Variants in PCDH11Y observed in about 807,000 individuals in gnomAD.
The protein encoded by PCDH11Y is protocadherin 11 Y-linked.
For synonymous variants in PCDH11Y, 9 were observed against 83.6 expected (o/e 0.11, Z 4.87); for missense variants, 12 against 224.8 (o/e 0.05, Z 6.05).
chrY:5,183,348 G>T, intron 2 of PCDH11Y, among the ~76,000 whole-genome samples: 1 of 33,141 alleles, frequency 3.0e-5, no homozygotes, highest in Non-Finnish European at 7.4e-5. Context: ...TGAGAACCTG[G>T]ATATTTCAAT....
chrY:5,384,548 G>A, intron 2 of PCDH11Y, among the ~76,000 whole-genome samples: 1 of 29,517 alleles, frequency 3.4e-5, no homozygotes, highest in African/African-American at 1.3e-4. Context: ...AAATTTTCTA[G>A]AACAAATAAA....
chrY:5,326,635 G>A, intron 2 of PCDH11Y, among the ~76,000 whole-genome samples: 5 of 32,458 alleles, frequency 1.5e-4, no homozygotes, highest in Non-Finnish European at 3.0e-4. Context: ...ACAGTCGTGG[G>A]GGTCAGGTGT....
Position 5,426,671 on chromosome Y carries a change from C to T in PCDH11Y, c.3130-74386C>T, listed in dbSNP as rs367635181. Among the ~76,000 whole-genome samples the T allele has an allele frequency of 4.5e-3, 145 of 32,131 alleles. No homozygotes were observed. The East Asian group carries it at 0.064, about 14-fold the overall frequency. 86.2% of individuals were successfully genotyped at this position (32,131 alleles called of 37,273 possible). On this transcript the variant is annotated intron_variant, in intron 2 of 4. Transcript: ENST00000400457. Reference sequence around the variant, plus strand: ...TCAAATTTATCAAAATGTAATAATACGATTTTTATATTAACTTACATGTTA... The same window carrying T: ...TCAAATTTATCAAAATGTAATAATATGATTTTTATATTAACTTACATGTTA...
intron 2 of PCDH11Y, among the ~76,000 whole-genome samples, chrY:5,362,270 A>G (rs2053175225): frequency 3.2e-5 from 1 of 31,181 alleles, no homozygotes; most frequent in Non-Finnish European, 7.7e-5. Context: ...CCCCAATCCT[A>G]CCATTCTACC....
intron 1 of PCDH11Y, among the ~76,000 whole-genome samples, chrY:5,075,857 G>A: frequency 3.0e-5 from 1 of 33,645 alleles, no homozygotes; most frequent in Non-Finnish European, 7.4e-5. Context: ...TGTGAATAGT[G>A]CTGCAAAAAA....
intron 2 of PCDH11Y, among the ~76,000 whole-genome samples, chrY:5,463,874 A>G: frequency 3.0e-5 from 1 of 33,496 alleles, no homozygotes; most frequent in Admixed American, 2.8e-4. Context: ...AACTTACATG[A>G]GATATTCAAC....
At chrY:5,700,064 C>T (rs2124711783) in intron 4 of PCDH11Y, among the ~76,000 whole-genome samples, 1 of 32,120 alleles carries the variant, frequency 3.1e-5, no homozygotes, top group Admixed American at 2.9e-4. Flanking sequence ...GTTGAAGGTG[C>T]AGGATTCACT....
chrY:5,071,113 T>G, intron 1 of PCDH11Y, among the ~76,000 whole-genome samples: 1 of 32,518 alleles, frequency 3.1e-5, no homozygotes, highest in African/African-American at 1.2e-4. Context: ...GATATTGTGA[T>G]TTTATTAGTG....
At chrY:5,051,257 A>G (rs2052651254), upstream of PCDH11Y, among the ~76,000 whole-genome samples, 1 of 33,367 alleles carries the variant, frequency 3.0e-5, no homozygotes, top group Non-Finnish European at 7.4e-5. Context: ...CTGATTTAAA[A>G]TCACATAGAG....
At chrY:5,356,797 A>G (rs2053166690) in intron 2 of PCDH11Y, among the ~76,000 whole-genome samples, 1 of 26,617 alleles carries the variant, frequency 3.8e-5, no homozygotes, top group African/African-American at 1.5e-4. Context: ...AGGCAGGAGA[A>G]TCACTTAAAC....
At chrY:5,243,334 AT>A (rs2052990786) in intron 2 of PCDH11Y, among the ~76,000 whole-genome samples, 1 of 33,377 alleles carries the variant, frequency 3.0e-5, no homozygotes, top group Non-Finnish European at 7.3e-5. Context: ...CACATTGCCC[AT>A]TGAAAATGAA....
chrY:5,045,082 C>A, intron 3 of PCDH11Y, among the ~76,000 whole-genome samples: 1 of 33,193 alleles, frequency 3.0e-5, no homozygotes, highest in African/African-American at 1.2e-4. Flanking sequence ...CAGTCTGTGT[C>A]TTTTAATTGG....
chrY:5,298,924 G>T, intron 2 of PCDH11Y, among the ~76,000 whole-genome samples: 4 of 32,441 alleles, frequency 1.2e-4, no homozygotes, highest in Admixed American at 2.9e-4. Flanking sequence ...CAGATTAAAA[G>T]ATACGATTCA....
At chrY:5,617,737 A>T in intron 4 of PCDH11Y, among the ~76,000 whole-genome samples, 1 of 32,643 alleles carries the variant, frequency 3.1e-5, no homozygotes, top group Admixed American at 2.9e-4. Flanking sequence ...AGTTTCTTAA[A>T]ACTAAAAAAA....
intron 1 of PCDH11Y, among the ~76,000 whole-genome samples, chrY:5,013,141 G>C: frequency 3.1e-5 from 1 of 32,177 alleles, no homozygotes; most frequent in Non-Finnish European, 7.6e-5. Context: ...CCGGCCTCAT[G>C]TTTTAAGACA....
At chrY:5,499,354 A>G in intron 2 of PCDH11Y, among the ~76,000 whole-genome samples, 1 of 33,420 alleles carries the variant, frequency 3.0e-5, no homozygotes. Flanking sequence ...GTAGAAAATC[A>G]GCAGACTATT....
Position 5,714,080 on chromosome Y carries a change from G to T in PCDH11Y, c.3353-23192G>T, listed in dbSNP as rs34863629. ...GTGTACTTAATTTATGACAGGTATA[G>T]TTATTTGCATAAGTTCGATAAGAAT... is the stretch of plus-strand genomic sequence containing the variant. On this transcript the variant is annotated intron_variant, in intron 4 of 4. Coordinates refer to the PCDH11Y transcript ENST00000400457. 9.1e-5 allele frequency among the ~76,000 whole-genome samples: 3 copies of T among 32,943 alleles called. No homozygotes were observed. The East Asian group carries it at 2.4e-3, about 26-fold the overall frequency. 88.4% of individuals were successfully genotyped at this position (32,943 alleles called of 37,273 possible).
At chrY:5,017,217 G>T (rs2052562196) in intron 1 of PCDH11Y, among the ~76,000 whole-genome samples, 1 of 33,168 alleles carries the variant, frequency 3.0e-5, no homozygotes, top group South Asian at 6.6e-4. Context: ...TGAACAGACA[G>T]CATTTGATCT....
At chrY:5,012,910 T>C (rs1602836247) in intron 1 of PCDH11Y, among the ~76,000 whole-genome samples, 2 of 27,320 alleles carry the variant, frequency 7.3e-5, no homozygotes, top group South Asian at 1.9e-3. Flanking sequence ...AGTGCAGTGG[T>C]GTGATCTCGG....
Sources: gnomAD v4.1 joint callset for allele counts (sites outside exome capture counted in the v4.1 genomes callset) on GRCh38, gnomAD v4.1.1 for gene constraint, MANE v1.5 for transcripts, NCBI Gene and HGNC (gene_info 2026-07-23, HGNC 2026-07-21) for gene names.